CCDC73: variants seen among roughly 807,000 people sequenced by gnomAD.
The protein encoded by CCDC73 is coiled-coil domain-containing protein 73.
Under a neutral mutation model 116.5 loss-of-function variants are expected in CCDC73, and 95 were observed. That is an observed-to-expected ratio of 0.82 (90% CI 0.69 to 0.97). The LOEUF (loss-of-function observed/expected upper bound fraction) is 0.97. CCDC73 is among the 50% of genes least tolerant of loss of function. The pLI is 0.00. For synonymous variants in CCDC73, 398 were observed against 401.3 expected (o/e 0.99, Z 0.10); for missense variants, 1,066 against 1,206.8 (o/e 0.88, Z 1.73).
intron 9 of CCDC73, among the ~76,000 whole-genome samples, chr11:32,668,955 A>G (rs904453275): frequency 2.6e-5 from 4 of 152,222 alleles, no homozygotes; most frequent in Non-Finnish European, 5.9e-5. Context: ...GCAAGTACAC[A>G]GTAGAAAACA....
intron 5 of CCDC73, 131 bp from the exon 6 acceptor site, chr11:32,699,456 A>C: frequency 8.7e-7 from 1 of 1,155,584 alleles, no homozygotes; most frequent in Non-Finnish European, 1.1e-6. Context: ...TAATAATACA[A>C]AGGGTAAAAT....
intron 9 of CCDC73, among the ~76,000 whole-genome samples, chr11:32,669,987 G>A (rs1236528855): frequency 6.6e-6 from 1 of 152,070 alleles, no homozygotes; most frequent in African/African-American, 2.4e-5. Context: ...CCCAGCAGTG[G>A]GGTTGTCAAT....
intron 2 of CCDC73, among the ~76,000 whole-genome samples, chr11:32,731,905 C>A (rs189034419): frequency 6.6e-6 from 1 of 152,108 alleles, no homozygotes; most frequent in Non-Finnish European, 1.5e-5. Flanking sequence ...CAAAGCTGGA[C>A]GGAGAATGAC....
chr11:32,826,111 A>C, the CCDC73 span, among the ~76,000 whole-genome samples: 1 of 152,238 alleles, frequency 6.6e-6, no homozygotes, highest in Non-Finnish European at 1.5e-5. Context: ...AAGTGTCCTT[A>C]AAGGGCTTTA....
intron 13 of CCDC73, among the ~76,000 whole-genome samples, chr11:32,638,776 C>CGGT (rs1565063580): frequency 5.3e-5 from 8 of 151,916 alleles, no homozygotes; most frequent in African/African-American, 1.9e-4. Context: ...CGTGCCCAGC[C>CGGT]GATTGTTCTA....
At chr11:32,735,347 A>G (rs1477784800) in intron 2 of CCDC73, among the ~76,000 whole-genome samples, 1 of 152,220 alleles carries the variant, frequency 6.6e-6, no homozygotes, top group Non-Finnish European at 1.5e-5. Context: ...TCAATGTGCA[A>G]AAATCACAAG....
At chr11:32,745,099 A>G (rs1017963485) in intron 2 of CCDC73, among the ~76,000 whole-genome samples, 1 of 152,096 alleles carries the variant, frequency 6.6e-6, no homozygotes, top group Non-Finnish European at 1.5e-5. Context: ...ACTCTGGTAC[A>G]TTGCGTCTTT....
rs185114633 is a variant in CCDC73, at chr11:32,774,479, A to G, written c.-15-14221T>C. On this transcript the variant is annotated intron_variant, in intron 1 of 17. Transcript: ENST00000335185. ...TCTATTATGTTTAATTTAAAGTTCT[A>G]AAAAGGATTTCAAAACTCACCTCCT... Among the ~76,000 whole-genome samples, 233 of 152,274 alleles carry G rather than the reference A, an allele frequency of 1.5e-3. 2 individuals are homozygous for G. Among genetic ancestry groups the G allele is most frequent in the African/African-American group, 5.4e-3 (225 of 41,558 alleles).
rs1180896056 is a variant in CCDC73 at position 32,760,095 on chromosome 11, A to T, written c.135+14T>A. The T allele has an allele frequency of 6.3e-7, 1 of 1,579,082 alleles. No individual in the cohort carries two copies. Among genetic ancestry groups the T allele is most frequent in the Admixed American group, 2.0e-5 (1 of 49,830 alleles). On this transcript the variant is annotated intron_variant, in intron 2 of 17. Coordinates refer to ENST00000335185, the MANE Select transcript of CCDC73 (RefSeq NM_001008391.4). ...TTTTCTTATTTAACAAAAGCATTTT[A>T]AAAAGGAGCTTACCCTTCTCATACG...
At chr11:32,696,879 C>G (rs1856316064) in intron 6 of CCDC73, among the ~76,000 whole-genome samples, 1 of 142,948 alleles carries the variant, frequency 7.0e-6, no homozygotes, top group African/African-American at 2.6e-5. Context: ...TTTTTTGAAA[C>G]AGTGTAGTGG....
At chr11:32,662,437 G>A (rs938111112) in intron 9 of CCDC73, among the ~76,000 whole-genome samples, 73 of 152,282 alleles carry the variant, frequency 4.8e-4, no homozygotes, top group Non-Finnish European at 8.4e-4. Context: ...GATGGCCAGT[G>A]ATGATGAGCA....
At position 32,645,608 on chromosome 11, in the gene CCDC73, T is replaced by C. The variant is rs114642786; in HGVS notation, c.940-3526A>G. Among the ~76,000 whole-genome samples, 839 of 151,976 alleles carry C rather than the reference T, an allele frequency of 5.5e-3. 6 individuals carry two copies. Among genetic ancestry groups the C allele is most frequent in the African/African-American group, 0.019 (798 of 41,456 alleles). On this transcript the variant is annotated intron_variant, in intron 12 of 17. Transcript: ENST00000335185. Reference sequence around the variant, plus strand: ...CTGGCCAACTTTTTTTTTTAATAAATAGGAGGAGTAAACTAAAATGATGAT... The same window carrying C: ...CTGGCCAACTTTTTTTTTTAATAAACAGGAGGAGTAAACTAAAATGATGAT...
intron 1 of CCDC73, among the ~76,000 whole-genome samples, chr11:32,764,810 C>T (rs1441269574): frequency 3.3e-5 from 5 of 152,166 alleles, no homozygotes; most frequent in South Asian, 2.1e-4. Flanking sequence ...TTAAAAGACA[C>T]AGACTGGCAA....
chr11:32,830,580 GT>G, the CCDC73 span: 1 of 1,612,270 alleles, frequency 6.2e-7, no homozygotes, highest in Middle Eastern at 1.7e-4. Context: ...TTACCCTGGG[GT>G]TTCCTCATTG....
intron 2 of CCDC73, among the ~76,000 whole-genome samples, chr11:32,740,037 A>T (rs4980788): frequency 6.6e-6 from 1 of 152,152 alleles, no homozygotes; most frequent in Admixed American, 6.6e-5. Flanking sequence ...CCACTTGGTC[A>T]TGATAAATGA....
rs137879280 is a variant in CCDC73 at position 32,792,744 on chromosome 11, G to C, written c.-16+1869C>G. Among the ~76,000 whole-genome samples, 190 of 152,302 alleles carry C rather than the reference G, an allele frequency of 1.2e-3. 1 individual carries two copies. The highest frequency in any genetic ancestry group is 4.5e-3 in the African/African-American group (187 of 41,556). On this transcript the variant is annotated intron_variant, in intron 1 of 17. Transcript: ENST00000335185. ...ACTTGCAATAACTTTAATTTGGTTAGCATGAAGTAGTGGTTAAGCATCTGG... is the reference window on the plus strand; with the variant it reads ...ACTTGCAATAACTTTAATTTGGTTACCATGAAGTAGTGGTTAAGCATCTGG...
At chr11:32,662,727 A>G (rs1238035875) in intron 9 of CCDC73, among the ~76,000 whole-genome samples, 1 of 152,060 alleles carries the variant, frequency 6.6e-6, no homozygotes, top group Non-Finnish European at 1.5e-5. Context: ...TTTTGTTGCC[A>G]TTGCTTTTGG....
intron 1 of CCDC73, among the ~76,000 whole-genome samples, chr11:32,776,156 A>T (rs1015174428): frequency 6.6e-6 from 1 of 151,828 alleles, no homozygotes; most frequent in Non-Finnish European, 1.5e-5. Flanking sequence ...CTTCCTTCTA[A>T]TTTGCTCTTA....
At chr11:32,604,806 T>G (rs1855324621) in intron 17 of CCDC73, 1 of 152,230 alleles carries the variant, frequency 6.6e-6, no homozygotes. Flanking sequence ...AAAAGTGGCA[T>G]GTTAGTAACA....
Sources: gnomAD v4.1 joint callset for allele counts (sites outside exome capture counted in the v4.1 genomes callset) on GRCh38, gnomAD v4.1.1 for gene constraint, MANE v1.5 for transcripts, NCBI Gene and HGNC (gene_info 2026-07-23, HGNC 2026-07-21) for gene names.